Variants in FGD5 observed in about 807,000 individuals in gnomAD.
The protein encoded by FGD5 is FYVE, RhoGEF and PH domain containing 5.
Under a neutral mutation model 133.4 loss-of-function variants are expected in FGD5, and 28 were observed. That is an observed-to-expected ratio of 0.21 (90% CI 0.16 to 0.29). The LOEUF (loss-of-function observed/expected upper bound fraction) is 0.29. FGD5 is among the 10% of genes least tolerant of loss of function. FGD5 has a pLI of 1.00. For synonymous variants in FGD5, 810 were observed against 776.5 expected, an observed-to-expected ratio of 1.04 and a Z score of -0.72; for missense variants, 1,858 against 1,895.2, an observed-to-expected ratio of 0.98 and a Z score of 0.36.
chr3:14,863,900 G>A (rs554163679), intron 1 of FGD5, among the ~76,000 whole-genome samples: 2 of 152,178 alleles, frequency 1.3e-5, no homozygotes, highest in Admixed American at 1.3e-4. Flanking sequence ...CTGTCTGCAG[G>A]GAAGTGAGTC....
rs77656084 is a variant in FGD5, at chr3:14,933,931, CTA to C, written c.*766_*767del. On this transcript the variant is annotated 3_prime_UTR_variant, in exon 20 of 20. Coordinates refer to ENST00000285046, the MANE Select transcript of FGD5 (RefSeq NM_152536.4). The stretch of plus-strand genomic sequence containing the variant: ...TCCTCCCCCAGAGCAGTCCTCAACA[CTA>C]TGTCAGTGCTGGAAATGCAGCCACT... 0.046 allele frequency: 6,961 copies of C among 152,392 alleles called. 209 individuals are homozygous for C. The highest frequency in any genetic ancestry group is 0.11 in the East Asian group (572 of 5,184). The allele number at this position is 152,392 out of a possible 1,614,324, so 9.4% of individuals were successfully genotyped here.
rs1427894170 is a variant in FGD5, at chr3:14,906,674, C to A, written c.3265-966C>A. On this transcript the variant is annotated intron_variant, in intron 9 of 19. Coordinates refer to ENST00000285046, the MANE Select transcript of FGD5 (RefSeq NM_152536.4). ...ACTCTAAACTGGCACCAGCCCACACCTGTCCTTTGAGAATTCATTAACATT... is the reference window on the plus strand; with the variant it reads ...ACTCTAAACTGGCACCAGCCCACACATGTCCTTTGAGAATTCATTAACATT... Among the ~76,000 whole-genome samples, 3 of 152,378 alleles carry A rather than the reference C, an allele frequency of 2.0e-5. No individual in the cohort carries two copies. The East Asian group carries it at 5.8e-4, about 29-fold the overall frequency.
chr3:14,913,017 CAG>C (rs1453432135), intron 11 of FGD5, among the ~76,000 whole-genome samples: 3 of 151,968 alleles, frequency 2.0e-5, no homozygotes. Context: ...GCCTGGGCGA[CAG>C]AGTGAGATTC....
At chr3:14,897,871 C>T (rs2038166444) in intron 5 of FGD5, 68 bp from the exon 6 acceptor site, 2 of 1,591,128 alleles carry the variant, frequency 1.3e-6, no homozygotes, top group Non-Finnish European at 8.6e-7. Flanking sequence ...CTCCAGGCCC[C>T]CTGCTTCTAA....
chr3:14,851,425 C>T (rs1214083298), intron 1 of FGD5, among the ~76,000 whole-genome samples: 4 of 152,188 alleles, frequency 2.6e-5, no homozygotes, highest in African/African-American at 9.7e-5. Context: ...AAAATGTATG[C>T]CCTTTACCAC....
At chr3:14,898,201 G>A (rs1247083497) in intron 6 of FGD5, 106 bp downstream of exon 6, 4 of 1,448,818 alleles carry the variant, frequency 2.8e-6, no homozygotes, top group Non-Finnish European at 3.8e-6. Context: ...GTGGGGCTGG[G>A]GAGCAGACAG....
intron 1 of FGD5, among the ~76,000 whole-genome samples, chr3:14,857,241 C>T (rs376914587): frequency 1.3e-5 from 2 of 152,096 alleles, no homozygotes; most frequent in Admixed American, 6.5e-5. Flanking sequence ...CCTCCACCCC[C>T]CCAGGCTCAA....
intron 2 of FGD5, among the ~76,000 whole-genome samples, chr3:14,865,880 G>A (rs906475609): frequency 8.5e-5 from 13 of 152,164 alleles, no homozygotes; most frequent in African/African-American, 2.9e-4. Context: ...TGTGGAGAAG[G>A]GAGGAGAGCC....
At chr3:14,836,429 G>C (rs940784263) in intron 1 of FGD5, among the ~76,000 whole-genome samples, 37 of 152,202 alleles carry the variant, frequency 2.4e-4, no homozygotes, top group African/African-American at 7.5e-4. Flanking sequence ...TCAGCCTCTG[G>C]GGTGAGGAGA....
chr3:14,830,032 T>C (rs1437641260), intron 1 of FGD5, among the ~76,000 whole-genome samples: 1 of 152,230 alleles, frequency 6.6e-6, no homozygotes, highest in Non-Finnish European at 1.5e-5. Flanking sequence ...CTAAGCCTCC[T>C]GCTGACTGGT....
intron 10 of FGD5, among the ~76,000 whole-genome samples, chr3:14,909,108 A>C (rs2038398593): frequency 6.6e-6 from 1 of 151,718 alleles, no homozygotes; most frequent in Non-Finnish European, 1.5e-5. Context: ...AGCTGGGATT[A>C]CAGGCATGTG....
At chr3:14,902,207 G>A (rs1365319228) in intron 9 of FGD5, among the ~76,000 whole-genome samples, 1 of 151,798 alleles carries the variant, frequency 6.6e-6, no homozygotes, top group Non-Finnish European at 1.5e-5. Flanking sequence ...GCTTGAACCT[G>A]GGAGGCGAAG....
chr3:14,837,594 A>G (rs767141726), intron 1 of FGD5, among the ~76,000 whole-genome samples: 12 of 152,238 alleles, frequency 7.9e-5, no homozygotes, highest in South Asian at 4.1e-4. Flanking sequence ...TATAAAGCCC[A>G]GCTCTGTGTG....
intron 1 of FGD5, among the ~76,000 whole-genome samples, chr3:14,844,212 AAAAAAATATATATATATATAT>A (rs2036985976): frequency 9.3e-5 from 3 of 32,150 alleles, no homozygotes; most frequent in African/African-American, 2.5e-4. Context: ...ATTAAAAAAA[AAAAAAATATATATATATATAT>A]ATATATATAT....
intron 4 of FGD5, among the ~76,000 whole-genome samples, chr3:14,896,082 G>A (rs1010555580): frequency 6.6e-6 from 1 of 152,156 alleles, no homozygotes; most frequent in African/African-American, 2.4e-5. Flanking sequence ...AACCAAAGAA[G>A]TGAAAGATCT....
At chr3:14,871,984 A>G (rs749118245) in intron 2 of FGD5, among the ~76,000 whole-genome samples, 1 of 152,228 alleles carries the variant, frequency 6.6e-6, no homozygotes, top group Non-Finnish European at 1.5e-5. Flanking sequence ...ACAGTATCCC[A>G]GGTCCCACCC....
intron 1 of FGD5, among the ~76,000 whole-genome samples, chr3:14,813,822 C>G (rs2036331592): frequency 6.6e-6 from 1 of 152,154 alleles, no homozygotes. Flanking sequence ...AATACCCCTG[C>G]TAATTGAACT....
intron 1 of FGD5, among the ~76,000 whole-genome samples, chr3:14,861,928 A>G (rs2037405199): frequency 6.6e-6 from 1 of 152,138 alleles, no homozygotes; most frequent in Non-Finnish European, 1.5e-5. Context: ...CACTGGGTGG[A>G]GAACAGATTG....
At chr3:14,928,725 A>G (rs1220286476) in intron 18 of FGD5, among the ~76,000 whole-genome samples, 2 of 152,224 alleles carry the variant, frequency 1.3e-5, no homozygotes, top group East Asian at 3.9e-4. Flanking sequence ...AGCCTGGGCA[A>G]CAGAGCAAGA....
Sources: gnomAD v4.1 joint callset for allele counts (sites outside exome capture counted in the v4.1 genomes callset) on GRCh38, gnomAD v4.1.1 for gene constraint, MANE v1.5 for transcripts, NCBI Gene and HGNC (gene_info 2026-07-23, HGNC 2026-07-21) for gene names.